Variants in NAAA observed in about 807,000 individuals in gnomAD.
NAAA encodes the protein N-acylethanolamine-hydrolyzing acid amidase.
A neutral mutation model predicts 44.8 loss-of-function variants in NAAA; 39 were observed. That is an observed-to-expected ratio of 0.87 (90% CI 0.67 to 1.14). NAAA has a LOEUF of 1.14. Among genes scored for constraint, NAAA ranks in the 50% most tolerant of loss-of-function variants. The pLI, the probability that NAAA is intolerant of heterozygous loss-of-function variation, is 0.00. For synonymous variants in NAAA, 178 were observed against 191.3 expected, an observed-to-expected ratio of 0.93 and a Z score of 0.58; for missense variants, 460 against 467.8, an observed-to-expected ratio of 0.98 and a Z score of 0.15.
chr4:75,940,971 A>G lies in NAAA; in HGVS notation c.-22T>C. 1 of 1,457,848 alleles carries G rather than the reference A, an allele frequency of 6.9e-7. No homozygotes were observed. Among genetic ancestry groups the G allele is most frequent in the East Asian group, 2.8e-5 (1 of 35,262 alleles). 90.3% of individuals were successfully genotyped at this position (1,457,848 alleles called of 1,614,324 possible). On this transcript the variant is annotated 5_prime_UTR_variant, in exon 1 of 11. Transcript: ENST00000286733. The stretch of plus-strand genomic sequence containing the variant: ...GCATGGCTCGGGCTCCAGCGGCCGC[A>G]ACTTGGAGACCTGCAGCCGCTGTCG...
chr4:75,935,902 G>A, intron 3 of NAAA: 1 of 626,806 alleles, frequency 1.6e-6, no homozygotes, highest in Non-Finnish European at 2.7e-6. Context: ...ACCTCTTTAA[G>A]TAGACACTGA....
At chr4:75,931,064 C>G in intron 4 of NAAA, 150 bp downstream of exon 4, 1 of 576,702 alleles carries the variant, frequency 1.7e-6, no homozygotes, top group South Asian at 2.5e-5. Flanking sequence ...TTCATTGCTT[C>G]CATGCATACT....
chr4:75,914,340 T>C lies in NAAA; in HGVS notation c.*37-2A>G. ...GAATTTCATTTTTTAAAAAATCATC[T>C]GTAAGGGAAGAAAAAAACGCATTTA... On this transcript the variant is annotated splice_acceptor_variant, in intron 10 of 10. Coordinates refer to ENST00000286733, the MANE Select transcript of NAAA (RefSeq NM_014435.4). LOFTEE classifies it low-confidence loss of function (3UTR_SPLICE). 4.1e-6 allele frequency: 4 copies of C among 976,898 alleles called. No homozygotes were observed. Among genetic ancestry groups the C allele is most frequent in the Non-Finnish European group, 4.9e-6 (4 of 822,024 alleles). 60.5% of individuals were successfully genotyped at this position (976,898 alleles called of 1,614,324 possible).
chr4:75,918,935 G>C lies in NAAA; in HGVS notation c.970-146C>G, dbSNP rs533661320. ...ACGTGGGAGGATTACTCAAGCCCAG[G>C]AGTTCAAGACCAGCCTGGGCAACAT... On this transcript the variant is annotated intron_variant, in intron 8 of 10. Transcript: ENST00000286733. 8.0e-5 allele frequency: 57 copies of C among 708,752 alleles called. No homozygotes were observed. The South Asian group carries it at 8.6e-4, about 11-fold the overall frequency. 43.9% of individuals were successfully genotyped at this position (708,752 alleles called of 1,614,324 possible). A position where few individuals can be genotyped will look rare whatever the true frequency, so the allele number is the denominator to read the frequency against.
chr4:75,923,454 C>T (rs553200370), intron 5 of NAAA, among the ~76,000 whole-genome samples: 8 of 152,130 alleles, frequency 5.3e-5, no homozygotes, highest in South Asian at 2.1e-4. Flanking sequence ...GAAGCTTGCA[C>T]GGGTGAATGC....
chr4:75,940,609 G>T (rs1196448792), intron 1 of NAAA, 135 bp downstream of exon 1: 25 of 1,031,972 alleles, frequency 2.4e-5, no homozygotes, highest in Non-Finnish European at 3.2e-5. Flanking sequence ...GCTGCTCAGG[G>T]CGGCAGCCAA....
chr4:75,940,876 A>G lies in NAAA; in HGVS notation c.74T>C (p.Leu25Pro). 4 of 1,566,744 alleles carry G rather than the reference A, an allele frequency of 2.6e-6. No homozygotes were observed. The highest frequency in any genetic ancestry group is 3.4e-6 in the Non-Finnish European group (4 of 1,166,460). The change falls in exon 1 of 11, where the codon CTG becomes CCG. Residue 25 changes from leucine (L) to proline (P), a missense_variant. Leu to Pro is a moderately conservative substitution (Grantham distance 98). Coordinates refer to ENST00000286733, the MANE Select transcript of NAAA (RefSeq NM_014435.4). ...LLLLLLAGAG[L>P]SAASPPAAPR... is the part of the protein sequence containing the mutation. ...CGCTGCTGGGGGCGAGGCGGCTGAC[A>G]GCCCGGCCCCGGCCAGCAGCAGCAG...
At chr4:75,928,784 C>CTTTT (rs66858038) in intron 4 of NAAA, among the ~76,000 whole-genome samples, 1 of 146,996 alleles carries the variant, frequency 6.8e-6, no homozygotes. Context: ...ATCATCCCTG[C>CTTTT]TTTTTTTTTT....
Position 75,925,770 on chromosome 4 carries a change from GA to G in NAAA, c.630del (p.Arg211GlyfsTer9). On this transcript the variant is annotated frameshift_variant, in exon 5 of 11. Coordinates refer to ENST00000286733, the MANE Select transcript of NAAA (RefSeq NM_014435.4). LOFTEE classifies it high-confidence loss of function. ...WWWENAIAAL[F>X]RRHIPVSWLI... ...AGCCAGCTGACGGGAATGTGTCTCCGAAACAGGGCAGCGATAGCATTCTCCC... is the reference window on the plus strand; with the variant it reads ...AGCCAGCTGACGGGAATGTGTCTCCGAACAGGGCAGCGATAGCATTCTCCC... 1 of 1,614,152 alleles carries G rather than the reference GA, an allele frequency of 6.2e-7. No homozygotes were observed. Among genetic ancestry groups the G allele is most frequent in the Non-Finnish European group, 8.5e-7 (1 of 1,180,040 alleles).
chr4:75,911,916 A>G (rs1725341714), downstream of NAAA, among the ~76,000 whole-genome samples: 1 of 152,190 alleles, frequency 6.6e-6, no homozygotes, highest in Admixed American at 6.5e-5. Flanking sequence ...TGGGGTTATT[A>G]TCATCCTTTC....
At chr4:75,921,365 G>A (rs940537749) in intron 5 of NAAA, among the ~76,000 whole-genome samples, 4 of 152,182 alleles carry the variant, frequency 2.6e-5, no homozygotes, top group South Asian at 4.1e-4. Context: ...CAAGCCCTAG[G>A]CCTGGCTCAG....
chr4:75,912,554 G>GA (rs34332139), downstream of NAAA, among the ~76,000 whole-genome samples: 18,692 of 112,940 alleles, frequency 0.17, 1,525 homozygotes, highest in East Asian at 0.34. Context: ...ACTCTGTCTG[G>GA]AAAAAAAAAA....
chr4:75,912,895 A>T (rs533948952), downstream of NAAA, among the ~76,000 whole-genome samples: 2 of 152,326 alleles, frequency 1.3e-5, no homozygotes, highest in South Asian at 4.1e-4. Flanking sequence ...GATGATGAAA[A>T]TTAAACGGTA....
In NAAA at chr4:75,914,819, C is replaced by A. The variant is rs1379990160; in HGVS notation, c.*36+49G>T. ...ATGTTACCACCCTCTGTAAGAAATACCAGCACACACCCACCTCACCCCCTC... is the reference window on the plus strand; with the variant it reads ...ATGTTACCACCCTCTGTAAGAAATAACAGCACACACCCACCTCACCCCCTC... On this transcript the variant is annotated intron_variant, in intron 10 of 10. Transcript: ENST00000286733. 7 of 1,383,854 alleles carry A rather than the reference C, an allele frequency of 5.1e-6. No individual in the cohort carries two copies. In the Admixed American group the frequency reaches 1.2e-4, roughly 24 times the overall value. The allele number at this position is 1,383,854 out of a possible 1,614,324, so 85.7% of individuals were successfully genotyped here.
intron 10 of NAAA, 38 bp from the exon 11 acceptor site, chr4:75,914,376 T>G (rs1471405849): frequency 1.1e-6 from 1 of 884,824 alleles, no homozygotes; most frequent in South Asian, 5.2e-5. Flanking sequence ...ATTCAAAGAC[T>G]GATTTTTTTT....
intron 4 of NAAA, 72 bp downstream of exon 4, chr4:75,931,142 G>C: frequency 8.2e-7 from 1 of 1,213,324 alleles, no homozygotes; most frequent in East Asian, 2.4e-5. Flanking sequence ...TCTGTTGGGT[G>C]AGTGAAGGAA....
chr4:75,931,162 T>C, intron 4 of NAAA, 52 bp downstream of exon 4: 1 of 1,445,992 alleles, frequency 6.9e-7, no homozygotes, highest in South Asian at 1.2e-5. Flanking sequence ...AGTGCTTGGA[T>C]AGAACTGAAC....
chr4:75,937,136 T>C (rs1727799094), intron 2 of NAAA, among the ~76,000 whole-genome samples: 1 of 152,196 alleles, frequency 6.6e-6, no homozygotes, highest in Non-Finnish European at 1.5e-5. Flanking sequence ...AAACTTGGGC[T>C]GGGCAAGGGC....
chr4:75,913,386 G>A (rs943128124), downstream of NAAA, among the ~76,000 whole-genome samples: 2 of 151,904 alleles, frequency 1.3e-5, no homozygotes, highest in African/African-American at 2.4e-5. Flanking sequence ...TCTTTTTCCC[G>A]GGCACATCCT....
Sources: allele counts gnomAD v4.1 joint callset (sites outside exome capture counted in the v4.1 genomes callset), GRCh38; gene constraint gnomAD v4.1.1; transcripts MANE v1.5; gene names NCBI Gene and HGNC (gene_info 2026-07-23, HGNC 2026-07-21).